ZNF479: variants seen among roughly 807,000 people sequenced by gnomAD.
ZNF479 encodes zinc finger protein 479.
Under a neutral mutation model 14.7 loss-of-function variants are expected in ZNF479, and 15 were observed. That is an observed-to-expected ratio of 1.02 (90% confidence interval 0.68 to 1.57). The LOEUF is 1.57. ZNF479 is among the 40% of genes most tolerant of loss of function. ZNF479 has a pLI of 0.00. For missense variants in ZNF479, 506 were observed against 615.1 expected, an observed-to-expected ratio of 0.82 and a Z score of 1.88; for synonymous variants, 145 against 211.5, an observed-to-expected ratio of 0.69 and a Z score of 2.73.
At chr7:57,131,999 T>C (rs968857913) in intron 1 of ZNF479, among the ~76,000 whole-genome samples, 2 of 152,164 alleles carry the variant, frequency 1.3e-5, no homozygotes, top group Non-Finnish European at 2.9e-5. Context: ...CCTATCCCTG[T>C]ACAATCTGGG....
At chr7:57,130,613 A>G (rs986744851) in intron 1 of ZNF479, among the ~76,000 whole-genome samples, 32 of 152,220 alleles carry the variant, frequency 2.1e-4, no homozygotes, top group Non-Finnish European at 2.9e-4. Context: ...AAACAAAAAC[A>G]GATGCTTGTG....
upstream of ZNF479, among the ~76,000 whole-genome samples, chr7:57,134,946 G>C (rs565982400): frequency 6.6e-6 from 1 of 152,116 alleles, no homozygotes; most frequent in South Asian, 2.1e-4. Flanking sequence ...AATTGCCGGG[G>C]TTACAGGCAT....
In ZNF479 at chr7:57,119,988, C is replaced by T. The variant is rs1554399806; in HGVS notation, c.1427G>A (p.Cys476Tyr). The T allele has an allele frequency of 1.2e-6, 2 of 1,613,270 alleles. No homozygotes were observed. Among genetic ancestry groups the T allele is most frequent in the Admixed American group, 3.3e-5 (2 of 59,882 alleles). The change falls in exon 4 of 4, where the codon TGC becomes TAC. Residue 476 changes from cysteine to tyrosine, a missense_variant. Physicochemically the swap from Cys to Tyr is radical, Grantham distance 194. Coordinates refer to ENST00000319636, the MANE Select transcript of ZNF479 (RefSeq NM_001370129.2). Reference protein sequence around the residue: ...TCEECGKAFNCSSTLMQHKRI... With the variant: ...TCEECGKAFNYSSTLMQHKRI... ...CTTATGTTGCATAAGGGTTGAGGAG[C>T]AATTAAAGGCTTTGCCACATTCTTC...
rs1785748704 is a variant in ZNF479 at position 57,117,733 on chromosome 7, AC to A, written c.*2106del. ...TACATAAACGTACAATTGATAAAAA[AC>A]AATCTCTCCTATCTCTGATGAAACA... is the stretch of plus-strand genomic sequence containing the variant. On this transcript the variant is annotated 3_prime_UTR_variant, in exon 4 of 4. Transcript: ENST00000319636. Among the ~76,000 whole-genome samples, 1 of 152,290 alleles carries A rather than the reference AC, an allele frequency of 6.6e-6. No individual in the cohort carries two copies. The highest frequency in any genetic ancestry group is 1.5e-5 in the Non-Finnish European group (1 of 68,054).
At position 57,121,082 on chromosome 7, in the gene ZNF479, T is replaced by G. The variant is rs782683202; in HGVS notation, c.333A>C (p.Ile111=). The G allele has an allele frequency of 6.2e-7, 1 of 1,613,918 alleles. No homozygotes were observed. Among genetic ancestry groups the G allele is most frequent in the Non-Finnish European group, 8.5e-7 (1 of 1,179,916 alleles). ...GTCCACATTTTCCATATGTTCTTGG[T>G]ATTACTTTTTGGAGTGAATCTTTGA... is the stretch of plus-strand genomic sequence containing the variant. ...QGIKDSLQKV[I]PRTYGKCGHE... The change falls in exon 4 of 4, where the codon ATA becomes ATC. Residue 111 remains isoleucine (I), a synonymous_variant. Coordinates refer to ENST00000319636, the MANE Select transcript of ZNF479 (RefSeq NM_001370129.2).
chr7:57,129,258 G>C (rs1440017421), intron 1 of ZNF479, among the ~76,000 whole-genome samples: 5 of 152,110 alleles, frequency 3.3e-5, no homozygotes, highest in Non-Finnish European at 7.4e-5. Flanking sequence ...AAACTCTCCT[G>C]AAAGTATCTT....
At chr7:57,132,474 C>T (rs1562851957), upstream of ZNF479, 13 of 1,216,972 alleles carry the variant, frequency 1.1e-5, no homozygotes, top group Non-Finnish European at 1.4e-5. Context: ...TTCTTTCCAG[C>T]TGCAAGCCTG....
upstream of ZNF479, among the ~76,000 whole-genome samples, chr7:57,134,969 T>C (rs1187557539): frequency 2.7e-4 from 41 of 151,670 alleles, no homozygotes; most frequent in Non-Finnish European, 7.4e-5. Flanking sequence ...GCCAGGGTTA[T>C]AGGCATAAGG....
In ZNF479 at chr7:57,131,574, ACAAACAAAC is replaced by A. The variant is rs1250627916; in HGVS notation, c.39+703_39+711del. ...CGAGACTCCCTCTCAAAAATAAAAA[ACAAACAAAC>A]AAACAAAAAAAAAACATTTCTTGTA... On this transcript the variant is annotated intron_variant, in intron 1 of 3. Transcript: ENST00000319636. Among the ~76,000 whole-genome samples the A allele has an allele frequency of 4.4e-4, 59 of 133,914 alleles. 8 individuals carry two copies. The highest frequency in any genetic ancestry group is 8.4e-4 in the East Asian group (3 of 3,576). 87.9% of individuals were successfully genotyped at this position (133,914 alleles called of 152,430 possible). A position where few individuals can be genotyped will look rare whatever the true frequency, so the allele number is the denominator to read the frequency against.
upstream of ZNF479, among the ~76,000 whole-genome samples, chr7:57,133,702 C>G (rs1164225199): frequency 1.3e-5 from 2 of 151,980 alleles, no homozygotes; most frequent in Non-Finnish European, 2.9e-5. Flanking sequence ...CCCTGCTCTA[C>G]CAAAAGTAGA....
intron 3 of ZNF479, 47 bp from the exon 4 acceptor site, chr7:57,121,199 T>C (rs782565684): frequency 9.9e-6 from 16 of 1,612,996 alleles, no homozygotes; most frequent in Non-Finnish European, 1.3e-5. Context: ...TGGACTCATA[T>C]AAATATATTC....
chr7:57,128,262 C>A (rs1786266408), intron 1 of ZNF479, among the ~76,000 whole-genome samples: 1 of 152,092 alleles, frequency 6.6e-6, no homozygotes, highest in South Asian at 2.1e-4. Flanking sequence ...AAAGAAACAT[C>A]AGTTTTATGC....
Position 57,119,121 on chromosome 7 carries a change from C to T in ZNF479, c.*719G>A, listed in dbSNP as rs1785792347. ...CAATATCAATTATCTTACATTTATT[C>T]AGGTTTGAGGACTTTTTAAAGACAT... On this transcript the variant is annotated 3_prime_UTR_variant, in exon 4 of 4. Coordinates refer to ENST00000319636, the MANE Select transcript of ZNF479 (RefSeq NM_001370129.2). Among the ~76,000 whole-genome samples, 1 of 152,082 alleles carries T rather than the reference C, an allele frequency of 6.6e-6. No individual in the cohort carries two copies. Among genetic ancestry groups the T allele is most frequent in the South Asian group, 2.1e-4 (1 of 4,828 alleles).
intron 1 of ZNF479, among the ~76,000 whole-genome samples, chr7:57,131,267 T>G: frequency 6.8e-6 from 1 of 146,206 alleles, no homozygotes; most frequent in South Asian, 2.2e-4. Flanking sequence ...AAATAAAAGG[T>G]AAAAAAAAAA....
chr7:57,132,965 G>C (rs1039974255), upstream of ZNF479, among the ~76,000 whole-genome samples: 1 of 151,962 alleles, frequency 6.6e-6, no homozygotes, highest in East Asian at 1.9e-4. Context: ...GTGAAACCCC[G>C]TCTCTACTAA....
chr7:57,129,275 C>T lies in ZNF479; in HGVS notation c.40-2557G>A, dbSNP rs1786316762. On this transcript the variant is annotated intron_variant, in intron 1 of 3. Coordinates refer to ENST00000319636, the MANE Select transcript of ZNF479 (RefSeq NM_001370129.2). ...ACTCTCCTGAAAGTATCTTGAACCC[C>T]TCAAGTTTATAAATCACTTGGTAAT... 2.0e-5 allele frequency among the ~76,000 whole-genome samples: 3 copies of T among 152,168 alleles called. No homozygotes were observed. The South Asian group carries it at 6.2e-4, about 31-fold the overall frequency.
At chr7:57,138,052 CTT>C (rs1424993290) in intron 1 of ZNF479, among the ~76,000 whole-genome samples, 2 of 152,246 alleles carry the variant, frequency 1.3e-5, no homozygotes, top group Admixed American at 1.3e-4. Context: ...GGAGATGTGA[CTT>C]TTATTGACAG....
chr7:57,125,471 A>T (rs1786118265), intron 3 of ZNF479, among the ~76,000 whole-genome samples: 1 of 151,282 alleles, frequency 6.6e-6, no homozygotes, highest in Non-Finnish European at 1.5e-5. Flanking sequence ...ATCCCCCCAC[A>T]GCAAGTGGGG....
At chr7:57,137,604 G>A (rs1562854435) in intron 1 of ZNF479, among the ~76,000 whole-genome samples, 1 of 152,232 alleles carries the variant, frequency 6.6e-6, no homozygotes, top group Non-Finnish European at 1.5e-5. Context: ...GCTGGGGCAT[G>A]TGAGAGACTG....
Sources: allele counts gnomAD v4.1 joint callset (sites outside exome capture counted in the v4.1 genomes callset), GRCh38; gene constraint gnomAD v4.1.1; transcripts MANE v1.5; gene names NCBI Gene and HGNC (gene_info 2026-07-23, HGNC 2026-07-21).